SGCD: variants seen among roughly 807,000 people sequenced by gnomAD.
The protein encoded by SGCD is sarcoglycan delta, also known as delta-sarcoglycan.
In SGCD, 18 loss-of-function variants were observed where a neutral mutation model predicts 36.6. The observed-to-expected ratio is 0.49, with a 90% CI of 0.34 to 0.73. The LOEUF is 0.73. Among genes scored for constraint, SGCD ranks in the 30% least tolerant of loss-of-function variants. The pLI, the probability that SGCD is intolerant of heterozygous loss-of-function variation, is 0.01. For missense variants in SGCD, 387 were observed against 346.7 expected (o/e 1.12, Z -0.92); for synonymous variants, 133 against 130.6 (o/e 1.02, Z -0.12).
chr5:156,458,934 C>T (rs561868312), intron 3 of SGCD, among the ~76,000 whole-genome samples: 6 of 152,252 alleles, frequency 3.9e-5, no homozygotes, highest in South Asian at 4.1e-4. Flanking sequence ...TTTTTAGAGG[C>T]TAAAGATAGG....
intron 1 of SGCD, among the ~76,000 whole-genome samples, chr5:155,891,719 G>C (rs1236886127): frequency 1.3e-5 from 2 of 151,928 alleles, no homozygotes; most frequent in African/African-American, 4.8e-5. Context: ...GTTGGTGTCT[G>C]ATGCCCCACA....
intron 1 of SGCD, among the ~76,000 whole-genome samples, chr5:155,996,289 C>T (rs146635578): frequency 1.1e-4 from 17 of 152,136 alleles, no homozygotes; most frequent in African/African-American, 4.1e-4. Context: ...CATCCTTCAC[C>T]CTCACCCAGG....
intron 1 of SGCD, among the ~76,000 whole-genome samples, chr5:156,005,445 TG>T (rs1167555309): frequency 2.6e-5 from 4 of 151,724 alleles, no homozygotes; most frequent in Non-Finnish European, 5.9e-5. Flanking sequence ...TTGTTGTTGT[TG>T]TTGTTGTTGT....
At chr5:155,733,085 G>A in the SGCD span, among the ~76,000 whole-genome samples, 3 of 149,736 alleles carry the variant, frequency 2.0e-5, no homozygotes, top group African/African-American at 7.4e-5. Context: ...CTCCTTCGGT[G>A]CATGAGTGTC....
intron 3 of SGCD, among the ~76,000 whole-genome samples, chr5:156,220,496 G>A (rs544884159): frequency 6.6e-6 from 1 of 152,152 alleles, no homozygotes; most frequent in Admixed American, 6.5e-5. Flanking sequence ...GTCTTAAAAG[G>A]ACAAATTAAT....
chr5:156,288,061 A>G (rs1433872153), intron 3 of SGCD, among the ~76,000 whole-genome samples: 1 of 152,194 alleles, frequency 6.6e-6, no homozygotes, highest in African/African-American at 2.4e-5. Context: ...TAAAAACATA[A>G]AAGCTGTGCA....
intron 7 of SGCD, among the ~76,000 whole-genome samples, chr5:156,729,610 T>C (rs1409673671): frequency 6.6e-6 from 1 of 152,208 alleles, no homozygotes; most frequent in African/African-American, 2.4e-5. Flanking sequence ...TTTCTATCAG[T>C]GTCTTACTGC....
intron 3 of SGCD, among the ~76,000 whole-genome samples, chr5:156,303,237 G>A (rs1767104284): frequency 6.6e-6 from 1 of 152,110 alleles, no homozygotes; most frequent in Non-Finnish European, 1.5e-5. Context: ...AAGCAGAGGA[G>A]TCCCTTCCCA....
intron 1 of SGCD, among the ~76,000 whole-genome samples, chr5:156,035,249 C>A (rs563188396): frequency 1.3e-5 from 2 of 152,256 alleles, no homozygotes; most frequent in African/African-American, 4.8e-5. Flanking sequence ...ACCATCTACT[C>A]GTGCAACTTT....
At chr5:155,949,097 T>C (rs571672983) in intron 1 of SGCD, among the ~76,000 whole-genome samples, 1 of 152,198 alleles carries the variant, frequency 6.6e-6, no homozygotes, top group Non-Finnish European at 1.5e-5. Flanking sequence ...TCCTAAATAC[T>C]GATTGCTGCA....
chr5:155,984,240 T>G (rs1338002577), intron 1 of SGCD, among the ~76,000 whole-genome samples: 1 of 152,224 alleles, frequency 6.6e-6, no homozygotes, highest in Non-Finnish European at 1.5e-5. Flanking sequence ...TTATTTGCAT[T>G]AAACTATCAT....
At chr5:155,821,490 C>G in the SGCD span, among the ~76,000 whole-genome samples, 1 of 151,916 alleles carries the variant, frequency 6.6e-6, no homozygotes, top group Admixed American at 6.6e-5. Flanking sequence ...ATTTTTTGTA[C>G]TTTTAGTAGA....
At chr5:156,718,449 T>C (rs1245342010) in intron 7 of SGCD, among the ~76,000 whole-genome samples, 1 of 151,984 alleles carries the variant, frequency 6.6e-6, no homozygotes, top group Non-Finnish European at 1.5e-5. Flanking sequence ...GGAAAAGGTG[T>C]TTCTTCTCAA....
In SGCD at chr5:156,452,873, TAAAGA is replaced by T. The variant is rs577816972; in HGVS notation, c.193-55722_193-55718del. Among the ~76,000 whole-genome samples, 26 of 152,218 alleles carry T rather than the reference TAAAGA, an allele frequency of 1.7e-4. No homozygotes were observed. In the Middle Eastern group the frequency reaches 0.01, roughly 60 times the overall value. On this transcript the variant is annotated intron_variant, in intron 3 of 8. Transcript: ENST00000337851. ...CCCAAATAGTTGCACAAGAATGGAA[TAAAGA>T]AAAGACCCTAATTAATAGGAATTTC... is the stretch of plus-strand genomic sequence containing the variant.
At chr5:156,076,074 G>C (rs897727601) in intron 1 of SGCD, among the ~76,000 whole-genome samples, 16 of 152,110 alleles carry the variant, frequency 1.1e-4, no homozygotes, top group African/African-American at 3.9e-4. Flanking sequence ...ATTTTAGAAT[G>C]AGATCACAGA....
intron 1 of SGCD, among the ~76,000 whole-genome samples, chr5:155,981,590 C>T (rs568265139): frequency 2.6e-5 from 4 of 152,274 alleles, no homozygotes; most frequent in South Asian, 2.1e-4. Flanking sequence ...TTGCCCTTTA[C>T]GTTTTCAACC....
At chr5:156,623,173 A>G (rs1762321776) in intron 6 of SGCD, among the ~76,000 whole-genome samples, 1 of 152,180 alleles carries the variant, frequency 6.6e-6, no homozygotes. Context: ...ATACGTGTGT[A>G]TGTACATGAA....
rs886060287 is a variant in SGCD at position 156,759,538 on chromosome 5, G to A, written c.*148G>A. On this transcript the variant is annotated 3_prime_UTR_variant, in exon 9 of 9. Coordinates refer to ENST00000337851, the MANE Select transcript of SGCD (RefSeq NM_000337.6). ...TGTGTGTGCGTGCTTGAGTGTGTTC[G>A]CGTGTGTGGGTGGATATAAATATAT... 4.8e-5 allele frequency: 18 copies of A among 371,768 alleles called. No individual in the cohort carries two copies. Among genetic ancestry groups the A allele is most frequent in the Non-Finnish European group, 6.7e-5 (14 of 208,382 alleles). The allele number at this position is 371,768 out of a possible 1,614,324, so 23.0% of individuals were successfully genotyped here.
intron 3 of SGCD, among the ~76,000 whole-genome samples, chr5:156,244,378 G>C (rs1218737703): frequency 6.6e-6 from 1 of 152,094 alleles, no homozygotes; most frequent in Non-Finnish European, 1.5e-5. Context: ...GAGTCTCTAA[G>C]GATTAAATGG....
Sources: allele counts gnomAD v4.1 joint callset (sites outside exome capture counted in the v4.1 genomes callset), GRCh38; gene constraint gnomAD v4.1.1; transcripts MANE v1.5; gene names NCBI Gene and HGNC (gene_info 2026-07-23, HGNC 2026-07-21).